ASTN2: variants seen among roughly 807,000 people sequenced by gnomAD.
ASTN2 encodes the protein astrotactin 2.
A neutral mutation model predicts 139.8 loss-of-function variants in ASTN2; 54 were observed. That is an observed-to-expected ratio of 0.39 (90% CI 0.31 to 0.48). The LOEUF (loss-of-function observed/expected upper bound fraction) is 0.48, where lower values mean the gene tolerates loss of function less well. Ranked by LOEUF, ASTN2 falls within the 20% of genes least tolerant of loss-of-function variation. The pLI, the probability that ASTN2 is intolerant of heterozygous loss-of-function variation, is 0.95. For missense variants in ASTN2, 1,565 were observed against 1,725.1 expected, an observed-to-expected ratio of 0.91 and a Z score of 1.64; for synonymous variants, 756 against 719.5, an observed-to-expected ratio of 1.05 and a Z score of -0.81.
chr9:116,441,253 A>G (rs1312220314), intron 21 of ASTN2, among the ~76,000 whole-genome samples: 1 of 146,086 alleles, frequency 6.8e-6, no homozygotes, highest in East Asian at 2.0e-4. Context: ...TTTCAAAGAT[A>G]ATCCAAACTC....
At position 117,119,551 on chromosome 9, in the gene ASTN2, A is replaced by G. The variant is rs141860856; in HGVS notation, c.1168+21775T>C. On this transcript the variant is annotated intron_variant, in intron 4 of 22. Coordinates refer to ENST00000313400, the MANE Select transcript of ASTN2 (RefSeq NM_001365068.1). The stretch of plus-strand genomic sequence containing the variant: ...GCTTTCACTCCACAGCTTGCAATCA[A>G]GCCTACCCTTACAAGTGCTAGAAAG... Among the ~76,000 whole-genome samples, 442 of 152,296 alleles carry G rather than the reference A, an allele frequency of 2.9e-3. 2 individuals are homozygous for G. The highest frequency in any genetic ancestry group is 0.01 in the African/African-American group (427 of 41,566).
chr9:116,812,515 G>A lies in ASTN2; in HGVS notation c.2208-6695C>T, dbSNP rs11787547. On this transcript the variant is annotated intron_variant, in intron 12 of 22. Transcript: ENST00000313400. ...AATAGATCTTCCCCTAAGGCCTCCA[G>A]AAGGAATGCAGCCCTGCCACTGTCT... Among the ~76,000 whole-genome samples the A allele has an allele frequency of 7.3e-3, 1,116 of 152,316 alleles. 4 individuals are homozygous for A. The highest frequency in any genetic ancestry group is 0.011 in the Non-Finnish European group (781 of 68,030).
intron 3 of ASTN2, among the ~76,000 whole-genome samples, chr9:117,213,831 G>A (rs1292475172): frequency 6.6e-6 from 1 of 152,178 alleles, no homozygotes; most frequent in African/African-American, 2.4e-5. Flanking sequence ...TCTGAAAAAT[G>A]CTTTATATGA....
At chr9:116,682,084 A>G (rs1244139988) in intron 16 of ASTN2, among the ~76,000 whole-genome samples, 5 of 151,802 alleles carry the variant, frequency 3.3e-5, no homozygotes, top group African/African-American at 4.8e-5. Flanking sequence ...CAGAGTGAAC[A>G]GGCAACCTAC....
At chr9:117,158,751 A>T (rs1830483575) in intron 3 of ASTN2, among the ~76,000 whole-genome samples, 1 of 151,974 alleles carries the variant, frequency 6.6e-6, no homozygotes, top group African/African-American at 2.4e-5. Flanking sequence ...ACTGAACTTG[A>T]AACTTTGGTA....
At chr9:116,969,410 G>C (rs976398983) in intron 10 of ASTN2, among the ~76,000 whole-genome samples, 1 of 152,144 alleles carries the variant, frequency 6.6e-6, no homozygotes, top group African/African-American at 2.4e-5. Flanking sequence ...TGCCACCTAA[G>C]GATGTGTGAT....
At chr9:116,800,674 A>T (rs368856415) in intron 13 of ASTN2, among the ~76,000 whole-genome samples, 11 of 152,304 alleles carry the variant, frequency 7.2e-5, no homozygotes, top group African/African-American at 2.4e-4. Flanking sequence ...TACATCCTTT[A>T]TTGCAGAACA....
intron 1 of ASTN2, among the ~76,000 whole-genome samples, chr9:117,293,309 T>G (rs1307914344): frequency 1.3e-5 from 2 of 152,180 alleles, no homozygotes; most frequent in African/African-American, 4.8e-5. Flanking sequence ...TCCACCCTTG[T>G]CCATTCTATT....
chr9:116,736,269 A>C (rs770790228), intron 13 of ASTN2, among the ~76,000 whole-genome samples: 1 of 152,254 alleles, frequency 6.6e-6, no homozygotes, highest in Non-Finnish European at 1.5e-5. Context: ...ATGTACTAAA[A>C]AATGACCAGA....
chr9:116,687,916 G>C (rs1373976245), intron 16 of ASTN2, among the ~76,000 whole-genome samples: 1 of 152,084 alleles, frequency 6.6e-6, no homozygotes, highest in Admixed American at 6.5e-5. Context: ...GTGAGATTGA[G>C]GGGGTGGGGT....
chr9:117,265,810 T>TA lies in ASTN2; in HGVS notation c.630+25515dup, dbSNP rs11290572. On this transcript the variant is annotated intron_variant, in intron 2 of 22. Transcript: ENST00000313400. ...TCAGAAAAAATTGAAAGCAAAATGG[T>TA]AAAAAAAAAAAAAAATCTCCTAATA... Among the ~76,000 whole-genome samples the TA allele has an allele frequency of 1.2e-3, 184 of 147,838 alleles. 1 individual carries two copies. Among genetic ancestry groups the TA allele is most frequent in the African/African-American group, 4.3e-3 (173 of 40,298 alleles).
chr9:116,647,729 A>G (rs1346935456), intron 17 of ASTN2, among the ~76,000 whole-genome samples: 1 of 152,232 alleles, frequency 6.6e-6, no homozygotes, highest in African/African-American at 2.4e-5. Flanking sequence ...GGATATTCAC[A>G]GGCTCATTCA....
intron 19 of ASTN2, chr9:116,568,667 C>T (rs1853358055): frequency 6.6e-6 from 1 of 152,384 alleles, no homozygotes; most frequent in South Asian, 2.1e-4. Flanking sequence ...TTTCACCATC[C>T]TGAGTCTGGT....
chr9:117,009,569 A>G (rs1025266505), intron 6 of ASTN2, among the ~76,000 whole-genome samples: 8 of 152,206 alleles, frequency 5.3e-5, no homozygotes, highest in African/African-American at 1.9e-4. Flanking sequence ...AAAGCTGGAC[A>G]GGGAGCGTGA....
intron 1 of ASTN2, among the ~76,000 whole-genome samples, chr9:117,308,322 A>G (rs1483596120): frequency 2.0e-5 from 3 of 152,324 alleles, no homozygotes; most frequent in South Asian, 4.1e-4. Context: ...ATGCTTATCA[A>G]TGTTGCACAC....
At chr9:116,477,861 G>GA (rs869258300) in intron 20 of ASTN2, among the ~76,000 whole-genome samples, 1,200 of 26,018 alleles carry the variant, frequency 0.046, 34 homozygotes, top group African/African-American at 0.14. Context: ...AATCAAAAAA[G>GA]AAAAAAAAAA....
intron 1 of ASTN2, among the ~76,000 whole-genome samples, chr9:117,408,992 C>G (rs1191832925): frequency 6.6e-6 from 1 of 152,142 alleles, no homozygotes; most frequent in East Asian, 1.9e-4. Context: ...CCCCAAGACC[C>G]TTGTTTATAA....
intron 16 of ASTN2, among the ~76,000 whole-genome samples, chr9:116,709,697 C>T (rs766348708): frequency 7.9e-5 from 12 of 152,176 alleles, no homozygotes; most frequent in Admixed American, 2.6e-4. Flanking sequence ...AAGGTCATTT[C>T]TACTCACAAT....
At chr9:117,299,701 C>T (rs1031509930) in intron 1 of ASTN2, among the ~76,000 whole-genome samples, 6 of 152,112 alleles carry the variant, frequency 3.9e-5, no homozygotes, top group African/African-American at 1.4e-4. Context: ...CCACTTGGGG[C>T]TCCTTTATGC....
Sources: gnomAD v4.1 joint callset for allele counts (sites outside exome capture counted in the v4.1 genomes callset) on GRCh38, gnomAD v4.1.1 for gene constraint, MANE v1.5 for transcripts, NCBI Gene and HGNC (gene_info 2026-07-23, HGNC 2026-07-21) for gene names.